Variants in ITGA8 observed in about 807,000 individuals in gnomAD.
ITGA8 encodes integrin alpha-8.
In ITGA8, 91 loss-of-function variants were observed where a neutral mutation model predicts 142.3. That is an observed-to-expected ratio of 0.64 (90% CI 0.54 to 0.76). The LOEUF is 0.76. ITGA8 is among the 30% of genes least tolerant of loss of function. The pLI is 0.00. For synonymous variants in ITGA8, 505 were observed against 485.2 expected (o/e 1.04, Z -0.54); for missense variants, 1,406 against 1,327.7 (o/e 1.06, Z -0.92).
At position 15,572,303 on chromosome 10, in the gene ITGA8, G is replaced by C. The variant is rs747536931; in HGVS notation, c.2545C>G (p.Arg849Gly). ...AAAATATAGAGAAGAAATTCATCCC[G>C]GGCAGAGAAAGGCCAGCCCACCTCC... ...ILEVGWPFSA[R>G]DEFLLYIFHI... Residue 849 changes from arginine (R) to glycine (G), a missense_variant, in exon 25 of 30, where the codon CGG becomes GGG. Physicochemically the swap from Arg to Gly is moderately radical, Grantham distance 125 (BLOSUM62 -2). Coordinates refer to ENST00000378076, the MANE Select transcript of ITGA8 (RefSeq NM_003638.3). 2.5e-5 allele frequency: 41 copies of C among 1,613,844 alleles called. No homozygotes were observed. The East Asian group carries it at 8.9e-4, about 35-fold the overall frequency.
At chr10:15,542,684 A>C (rs1330083969) in intron 27 of ITGA8, among the ~76,000 whole-genome samples, 1 of 152,198 alleles carries the variant, frequency 6.6e-6, no homozygotes, top group East Asian at 1.9e-4. Context: ...AGTAACATAC[A>C]TAGGGTAAAA....
intron 24 of ITGA8, among the ~76,000 whole-genome samples, chr10:15,575,147 G>T (rs1834260159): frequency 6.6e-6 from 1 of 152,124 alleles, no homozygotes; most frequent in African/African-American, 2.4e-5. Flanking sequence ...ATAGCACTGT[G>T]AGTGGCTCAG....
chr10:15,529,414 C>T (rs1358795634), intron 28 of ITGA8, among the ~76,000 whole-genome samples: 2 of 152,170 alleles, frequency 1.3e-5, no homozygotes, highest in Non-Finnish European at 2.9e-5. Context: ...AAGTGACTTC[C>T]CAAAGGTTTC....
chr10:15,660,984 C>A (rs962404873), intron 8 of ITGA8, 62 bp from the exon 9 acceptor site: 3 of 1,375,778 alleles, frequency 2.2e-6, no homozygotes, highest in African/African-American at 2.8e-5. Flanking sequence ...CACACACACA[C>A]GCCATATACT....
At chr10:15,707,738 G>A (rs1017259699) in intron 2 of ITGA8, among the ~76,000 whole-genome samples, 5 of 151,436 alleles carry the variant, frequency 3.3e-5, no homozygotes, top group Admixed American at 3.3e-4. Context: ...CAGGAGAATT[G>A]CTTGAACCTG....
chr10:15,548,116 G>A (rs1263886321), intron 27 of ITGA8, among the ~76,000 whole-genome samples: 1 of 137,144 alleles, frequency 7.3e-6, no homozygotes, highest in Non-Finnish European at 1.5e-5. Flanking sequence ...TTTTGAGGCA[G>A]TGTCTCACTC....
intron 25 of ITGA8, among the ~76,000 whole-genome samples, chr10:15,566,530 G>A (rs544885437): frequency 6.6e-6 from 1 of 152,046 alleles, no homozygotes; most frequent in Non-Finnish European, 1.5e-5. Context: ...AAAATCCTAG[G>A]CCGGGCATGG....
At chr10:15,549,201 GTTTTTTTTTTTT>G (rs67683436) in intron 26 of ITGA8, among the ~76,000 whole-genome samples, 2 of 107,342 alleles carry the variant, frequency 1.9e-5, no homozygotes, top group Admixed American at 8.6e-5. Context: ...TTTCTTTTCT[GTTTTTTTTTTTT>G]TTTTTTTTTT....
At chr10:15,520,894 A>G (rs1327485871) in intron 28 of ITGA8, among the ~76,000 whole-genome samples, 1 of 152,194 alleles carries the variant, frequency 6.6e-6, no homozygotes, top group African/African-American at 2.4e-5. Context: ...GGCTGAGACT[A>G]ATGACTAAGG....
chr10:15,644,470 ATATATATATATATATATATATAGAATT>A lies in ITGA8; in HGVS notation c.1208-276_1208-250del, dbSNP rs1564388897. Among the ~76,000 whole-genome samples the A allele has an allele frequency of 3.3e-3, 59 of 17,694 alleles. 6 individuals are homozygous for A. Among genetic ancestry groups the A allele is most frequent in the African/African-American group, 5.1e-3 (46 of 8,968 alleles). 11.6% of individuals were successfully genotyped at this position (17,694 alleles called of 152,430 possible). On this transcript the variant is annotated intron_variant, in intron 12 of 29. Coordinates refer to ENST00000378076, the MANE Select transcript of ITGA8 (RefSeq NM_003638.3). ...TATATATATATATATATATATATAT[ATATATATATATATATATATATAGAATT>A]TTTTTTTTTTTTTGAGCAATGGGTC...
intron 12 of ITGA8, among the ~76,000 whole-genome samples, chr10:15,645,864 G>A (rs1346215766): frequency 6.6e-6 from 1 of 152,050 alleles, no homozygotes; most frequent in African/African-American, 2.4e-5. Flanking sequence ...GTACTTGGAG[G>A]GGTTTCATAA....
At chr10:15,714,428 T>C (rs898248153) in intron 2 of ITGA8, among the ~76,000 whole-genome samples, 1 of 152,070 alleles carries the variant, frequency 6.6e-6, no homozygotes, top group Non-Finnish European at 1.5e-5. Flanking sequence ...AGAAACCAAT[T>C]TGGTGATAGG....
At chr10:15,548,852 G>C (rs1833731082) in intron 26 of ITGA8, among the ~76,000 whole-genome samples, 2 of 152,154 alleles carry the variant, frequency 1.3e-5, no homozygotes, top group African/African-American at 4.8e-5. Context: ...CTCAGAACTG[G>C]GGAAGGCATT....
chr10:15,555,065 A>G (rs1478464574), intron 26 of ITGA8, among the ~76,000 whole-genome samples: 2 of 152,198 alleles, frequency 1.3e-5, no homozygotes, highest in Non-Finnish European at 2.9e-5. Flanking sequence ...TCAGTTTCAT[A>G]AATGGCTGGA....
intron 2 of ITGA8, among the ~76,000 whole-genome samples, chr10:15,703,182 G>A (rs552921594): frequency 2.3e-4 from 35 of 152,306 alleles, no homozygotes; most frequent in South Asian, 1.7e-3. Flanking sequence ...AATAGCAACA[G>A]TACAGATTAT....
chr10:15,647,044 C>T lies in ITGA8; in HGVS notation c.1009G>A (p.Asp337Asn). 1 of 1,613,122 alleles carries T rather than the reference C, an allele frequency of 6.2e-7. No individual in the cohort carries two copies. The highest frequency in any genetic ancestry group is 8.5e-7 in the Non-Finnish European group (1 of 1,179,866). ...AAGAGAGGTGCCCCAACCAGGACAT[C>T]ATCCAGTCTGTAAGGAACAAAGAAA... ...VSDVNSDGLDDVLVGAPLFME... is the reference protein window; with the variant it reads ...VSDVNSDGLDNVLVGAPLFME... Residue 337 changes from aspartate to asparagine, a missense_variant, in exon 12 of 30, where the codon GAT (aspartate) becomes AAT (asparagine). By Grantham distance (23) the Asp-to-Asn change is conservative (BLOSUM62 1). Transcript: ENST00000378076.
intron 13 of ITGA8, among the ~76,000 whole-genome samples, chr10:15,637,963 C>A (rs182011046): frequency 6.6e-6 from 1 of 151,938 alleles, no homozygotes; most frequent in Non-Finnish European, 1.5e-5. Context: ...AGAGATTCCA[C>A]GATAATATTC....
At chr10:15,667,111 A>ACCAGCT (rs1834410362) in intron 8 of ITGA8, among the ~76,000 whole-genome samples, 1 of 152,042 alleles carries the variant, frequency 6.6e-6, no homozygotes, top group Non-Finnish European at 1.5e-5. Flanking sequence ...TCCTCTTTGC[A>ACCAGCT]CCTCTGGTAG....
At chr10:15,637,519 T>TTG (rs201670388) in intron 13 of ITGA8, among the ~76,000 whole-genome samples, 1 of 150,034 alleles carries the variant, frequency 6.7e-6, no homozygotes, top group African/African-American at 2.4e-5. Context: ...TTTTTTTTTT[T>TTG]TTTGTTTTTG....
Sources: gnomAD v4.1 joint callset for allele counts (sites outside exome capture counted in the v4.1 genomes callset) on GRCh38, gnomAD v4.1.1 for gene constraint, MANE v1.5 for transcripts, NCBI Gene and HGNC (gene_info 2026-07-23, HGNC 2026-07-21) for gene names.